TTLL5: variants seen among roughly 807,000 people sequenced by gnomAD.
TTLL5 encodes the protein tubulin tyrosine ligase like 5.
A neutral mutation model predicts 168.4 loss-of-function variants in TTLL5; 132 were observed. The observed-to-expected ratio is 0.78, with a 90% CI of 0.68 to 0.91. TTLL5 has a LOEUF of 0.91. Ranked by LOEUF, TTLL5 falls within the 40% of genes least tolerant of loss-of-function variation. The pLI, the probability that TTLL5 is intolerant of heterozygous loss-of-function variation, is 0.00. For synonymous variants in TTLL5, 546 were observed against 558.6 expected (o/e 0.98, Z 0.32); for missense variants, 1,545 against 1,581.5 (o/e 0.98, Z 0.39).
At chr14:75,848,247 A>T (rs1896660900) in intron 28 of TTLL5, among the ~76,000 whole-genome samples, 1 of 151,974 alleles carries the variant, frequency 6.6e-6, no homozygotes, top group Admixed American at 6.5e-5. Context: ...ATGGGGCAGG[A>T]ATTCTAAATT....
intron 31 of TTLL5, among the ~76,000 whole-genome samples, chr14:75,929,605 A>G (rs2034206876): frequency 6.6e-6 from 1 of 151,968 alleles, no homozygotes; most frequent in Non-Finnish European, 1.5e-5. Context: ...GGTGCCCACT[A>G]CCACACCTGG....
intron 31 of TTLL5, among the ~76,000 whole-genome samples, chr14:75,910,074 C>T (rs777457707): frequency 6.6e-5 from 10 of 152,152 alleles, no homozygotes; most frequent in Non-Finnish European, 1.2e-4. Context: ...AACCAGAGAA[C>T]TCCATTTCTA....
At chr14:75,797,478 T>G (rs1398588591) in intron 27 of TTLL5, among the ~76,000 whole-genome samples, 1 of 152,094 alleles carries the variant, frequency 6.6e-6, no homozygotes, top group African/African-American at 2.4e-5. Context: ...AAATGGGCAT[T>G]CTTGTCTTGT....
At chr14:75,671,484 T>TA (rs1883747670) in intron 3 of TTLL5, among the ~76,000 whole-genome samples, 1 of 152,208 alleles carries the variant, frequency 6.6e-6, no homozygotes. Flanking sequence ...AATCACTTCT[T>TA]AGAGTGTTGC....
At chr14:75,870,803 T>G (rs2030965594) in intron 29 of TTLL5, among the ~76,000 whole-genome samples, 1 of 151,700 alleles carries the variant, frequency 6.6e-6, no homozygotes, top group African/African-American at 2.4e-5. Context: ...TTTGGTTTTT[T>G]TTTTTTTTTT....
chr14:75,881,876 T>A (rs537586036), intron 29 of TTLL5, among the ~76,000 whole-genome samples: 2 of 152,342 alleles, frequency 1.3e-5, no homozygotes, highest in Middle Eastern at 6.8e-3. Context: ...AAGAACTTTT[T>A]AAGCATCTAC....
At chr14:75,860,068 G>A (rs1897323544) in intron 28 of TTLL5, among the ~76,000 whole-genome samples, 1 of 152,156 alleles carries the variant, frequency 6.6e-6, no homozygotes, top group Non-Finnish European at 1.5e-5. Flanking sequence ...TTTGTAGACT[G>A]GGCTTATGTT....
chr14:75,829,785 A>G (rs1373327963), intron 28 of TTLL5, among the ~76,000 whole-genome samples: 3 of 152,190 alleles, frequency 2.0e-5, no homozygotes, highest in African/African-American at 4.8e-5. Flanking sequence ...TATTTAAGGT[A>G]TTTGCAGGGA....
intron 31 of TTLL5, among the ~76,000 whole-genome samples, chr14:75,915,600 A>G (rs1046478632): frequency 2.6e-5 from 4 of 152,240 alleles, no homozygotes; most frequent in East Asian, 1.9e-4. Flanking sequence ...CATCTATACA[A>G]TAAGCATAAA....
Position 75,865,045 on chromosome 14 carries a change from G to T in TTLL5, c.3522+1183G>T, listed in dbSNP as rs76453329. 9.3e-3 allele frequency among the ~76,000 whole-genome samples: 1,417 copies of T among 152,176 alleles called. 26 individuals are homozygous for T. The highest frequency in any genetic ancestry group is 0.032 in the African/African-American group (1,347 of 41,492). ...TCATCATAATTGAGAAATTGTAAGT[G>T]CCGGCATTTGCAAAGTAGTTCTTTA... On this transcript the variant is annotated intron_variant, in intron 29 of 31. Coordinates refer to ENST00000298832, the MANE Select transcript of TTLL5 (RefSeq NM_015072.5).
In TTLL5 at chr14:75,740,976, C is replaced by A. The variant is rs913998100; in HGVS notation, c.1282-4119C>A. ...GTCTTAGGATATCTTGCCATTTTTC[C>A]CCATTCCACATTTTGTTAAGTTCTT... On this transcript the variant is annotated intron_variant, in intron 15 of 31. Coordinates refer to ENST00000298832, the MANE Select transcript of TTLL5 (RefSeq NM_015072.5). Among the ~76,000 whole-genome samples, 3 of 152,222 alleles carry A rather than the reference C, an allele frequency of 2.0e-5. No individual in the cohort carries two copies. The East Asian group carries it at 5.8e-4, about 29-fold the overall frequency.
intron 27 of TTLL5, among the ~76,000 whole-genome samples, chr14:75,797,746 G>A (rs554482282): frequency 1.1e-4 from 16 of 152,154 alleles, no homozygotes; most frequent in African/African-American, 3.6e-4. Context: ...AACCATGCCC[G>A]CATCCCTGGT....
intron 15 of TTLL5, among the ~76,000 whole-genome samples, chr14:75,737,806 G>C (rs1158163728): frequency 6.6e-6 from 1 of 152,176 alleles, no homozygotes; most frequent in Non-Finnish European, 1.5e-5. Flanking sequence ...CAGGAACTTA[G>C]GGATCCTCTT....
At chr14:75,800,857 G>T (rs1893265961) in intron 27 of TTLL5, among the ~76,000 whole-genome samples, 1 of 152,170 alleles carries the variant, frequency 6.6e-6, no homozygotes, top group Admixed American at 6.5e-5. Context: ...ACCAGCACCT[G>T]ATCTGGTGGA....
chr14:75,930,817 T>C (rs2034253225), intron 31 of TTLL5, among the ~76,000 whole-genome samples: 1 of 152,188 alleles, frequency 6.6e-6, no homozygotes. Flanking sequence ...CTATGATAAA[T>C]CTTTTGAGAA....
At chr14:75,851,801 T>C (rs1160686175) in intron 28 of TTLL5, among the ~76,000 whole-genome samples, 1 of 152,186 alleles carries the variant, frequency 6.6e-6, no homozygotes. Flanking sequence ...TGATCTCACA[T>C]AGACACAAAA....
chr14:75,672,708 A>G (rs894223302), intron 3 of TTLL5, among the ~76,000 whole-genome samples: 16 of 151,472 alleles, frequency 1.1e-4, no homozygotes, highest in East Asian at 1.9e-4. Context: ...CATATTTTCT[A>G]TTTCTTCTTG....
In TTLL5 at chr14:75,783,325, C is replaced by T. The variant is rs757720836; in HGVS notation, c.2781C>T (p.Ser927=). ...SLSQIPSAIP[S]MPHQPTILLN... ...CTCAAATTCCTTCAGCTATCCCCAG[C>T]ATGCCTCACCAGCCAACAATTTTAC... The change falls in exon 26 of 32, where the codon AGC becomes AGT. Residue 927 remains serine, a synonymous_variant. Transcript: ENST00000298832. 5 of 1,614,072 alleles carry T rather than the reference C, an allele frequency of 3.1e-6. No individual in the cohort carries two copies. Among genetic ancestry groups the T allele is most frequent in the African/African-American group, 2.7e-5 (2 of 74,934 alleles).
intron 29 of TTLL5, among the ~76,000 whole-genome samples, chr14:75,867,210 A>T (rs1371385652): frequency 6.6e-6 from 1 of 152,176 alleles, no homozygotes; most frequent in Non-Finnish European, 1.5e-5. Flanking sequence ...ACAAAACTTT[A>T]TGTACAAAAA....
Sources: allele counts gnomAD v4.1 joint callset (sites outside exome capture counted in the v4.1 genomes callset), GRCh38; gene constraint gnomAD v4.1.1; transcripts MANE v1.5; gene names NCBI Gene and HGNC (gene_info 2026-07-23, HGNC 2026-07-21).